Variants in SPATA31H1 observed in about 807,000 individuals in gnomAD.
SPATA31H1 encodes SPATA31 subfamily H member 1, also known as spermatogenesis-associated protein 31H1.
chr2:27,539,704 C>T, the SPATA31H1 span, among the ~76,000 whole-genome samples: 2 of 76,158 alleles, frequency 2.6e-5, 1 homozygote. Flanking sequence ...CGGGCAGAAG[C>T]GCCCCTCACC....
chr2:27,558,889 T>G, the SPATA31H1 span, among the ~76,000 whole-genome samples: 3 of 66,442 alleles, frequency 4.5e-5, no homozygotes, highest in African/African-American at 6.3e-5. Flanking sequence ...AGGGAGACCG[T>G]GGAGGGAGAG....
chr2:27,577,024 C>T, the SPATA31H1 span: 4 of 1,614,084 alleles, frequency 2.5e-6, no homozygotes, highest in Non-Finnish European at 3.4e-6. The surrounding 1 kb of genome is among the most constrained non-coding windows in gnomAD (Gnocchi z 4.5). Context: ...AATTTGATTT[C>T]AATACCAATT....
At chr2:27,541,870 G>A in the SPATA31H1 span, among the ~76,000 whole-genome samples, 1 of 151,892 alleles carries the variant, frequency 6.6e-6, no homozygotes, top group Non-Finnish European at 1.5e-5. Context: ...TCCTGAGCTC[G>A]AGTGATTCTC....
chr2:27,546,053 G>A, the SPATA31H1 span, among the ~76,000 whole-genome samples: 1 of 151,946 alleles, frequency 6.6e-6, no homozygotes, highest in African/African-American at 2.4e-5. Context: ...TTACTTAACT[G>A]ATTTGTAGGA....
the SPATA31H1 span, among the ~76,000 whole-genome samples, chr2:27,558,930 A>AGGGG: frequency 4.0e-4 from 8 of 20,086 alleles, no homozygotes; most frequent in Admixed American, 7.5e-4. Context: ...AGGGGGAGGG[A>AGGGG]GAGGGAGAGG....
At chr2:27,566,051 G>T in the SPATA31H1 span, 2 of 717,380 alleles carry the variant, frequency 2.8e-6, no homozygotes, top group African/African-American at 3.5e-5. Flanking sequence ...CAGATCCACA[G>T]TGGGAAGAAA....
the SPATA31H1 span, chr2:27,580,695 C>T: frequency 2.5e-6 from 4 of 1,614,076 alleles, no homozygotes; most frequent in South Asian, 1.1e-5. Context: ...TGGGCGGAAG[C>T]CTGTGGACGG....
At chr2:27,573,866 A>G in the SPATA31H1 span, 1 of 398,386 alleles carries the variant, frequency 2.5e-6, no homozygotes, top group African/African-American at 2.1e-5. Context: ...ACTCCTTACT[A>G]CACTTGAAAA....
At chr2:27,572,091 C>T in the SPATA31H1 span, 1 of 398,374 alleles carries the variant, frequency 2.5e-6, no homozygotes, top group Non-Finnish European at 4.4e-6. Flanking sequence ...ATCGGTAGAC[C>T]TCAAGTCTGA....
chr2:27,566,001 T>C, the SPATA31H1 span: 6 of 716,866 alleles, frequency 8.4e-6, no homozygotes, highest in Non-Finnish European at 1.6e-5. Context: ...ATCATGATCA[T>C]CAATAGTCAT....
the SPATA31H1 span, chr2:27,569,522 A>G: frequency 2.5e-6 from 1 of 398,940 alleles, no homozygotes; most frequent in East Asian, 3.6e-5. Flanking sequence ...AGTCATCTCC[A>G]TTATTGATAG....
chr2:27,575,977 C>T, the SPATA31H1 span: 6 of 398,664 alleles, frequency 1.5e-5, no homozygotes, highest in East Asian at 1.4e-4. This position sits in a 1 kb window ranked among gnomAD's most constrained non-coding sequence, Gnocchi z 4.1. Context: ...ATGTTCAACC[C>T]TATACCACAT....
At chr2:27,567,409 C>T in the SPATA31H1 span, 2 of 466,052 alleles carry the variant, frequency 4.3e-6, no homozygotes, top group African/African-American at 2.0e-5. Context: ...TCAGAGAAAC[C>T]CCAAACTCAG....
the SPATA31H1 span, chr2:27,569,517 T>C: frequency 2.5e-6 from 1 of 398,808 alleles, no homozygotes; most frequent in African/African-American, 2.1e-5. Flanking sequence ...CAGTGAGTCA[T>C]CTCCATTATT....
chr2:27,567,051 A>G, the SPATA31H1 span: 1 of 717,354 alleles, frequency 1.4e-6, no homozygotes, highest in African/African-American at 1.7e-5. Context: ...CCAGAAATCA[A>G]AAATTTTTCA....
chr2:27,569,644 A>C, the SPATA31H1 span: 20 of 398,826 alleles, frequency 5.0e-5, no homozygotes, highest in Admixed American at 7.5e-4. Flanking sequence ...CAGTTGCAAG[A>C]TATGAAACAC....
At chr2:27,537,684 G>A in the SPATA31H1 span, 1 of 641,230 alleles carries the variant, frequency 1.6e-6, no homozygotes, top group Non-Finnish European at 2.8e-6. Flanking sequence ...AGTTGAGACA[G>A]TGCCCATGGA....
chr2:27,576,682 TC>T, the SPATA31H1 span: 1 of 1,614,048 alleles, frequency 6.2e-7, no homozygotes, highest in Non-Finnish European at 8.5e-7. Flanking sequence ...ACTAGGAAGT[TC>T]CCATCAGGAC....
the SPATA31H1 span, chr2:27,573,121 G>A: frequency 2.5e-6 from 1 of 397,994 alleles, no homozygotes; most frequent in Non-Finnish European, 4.4e-6. Context: ...ACAGAGTCGG[G>A]AGGTGTAAAA....
Sources: allele counts gnomAD v4.1 joint callset (sites outside exome capture counted in the v4.1 genomes callset), GRCh38; gene constraint gnomAD v4.1.1; non-coding constraint Gnocchi (gnomAD v3.1); transcripts MANE v1.5; gene names NCBI Gene and HGNC (gene_info 2026-07-23, HGNC 2026-07-21).